FBXO4: variants seen among roughly 807,000 people sequenced by gnomAD.
FBXO4 encodes the protein F-box protein 4.
In FBXO4, 36 loss-of-function variants were observed where a neutral mutation model predicts 43.7. The ratio of observed to expected loss-of-function variants is 0.82; its 90% CI spans 0.63 to 1.09. The LOEUF (loss-of-function observed/expected upper bound fraction) is 1.09. Among genes scored for constraint, FBXO4 ranks in the 50% least tolerant of loss-of-function variants. The probability of loss-of-function intolerance (pLI) is 0.00; values close to 1 mark genes in which losing one functional copy is unlikely to be tolerated. For missense variants in FBXO4, 435 were observed against 474.1 expected, an observed-to-expected ratio of 0.92 and a Z score of 0.77; for synonymous variants, 180 against 165.6, an observed-to-expected ratio of 1.09 and a Z score of -0.67.
chr5:42,017,036 C>T, the FBXO4 span, among the ~76,000 whole-genome samples: 1 of 151,866 alleles, frequency 6.6e-6, no homozygotes, highest in Non-Finnish European at 1.5e-5. Context: ...CCTAGACATT[C>T]TAGGCAATTT....
At chr5:41,994,313 T>C in the FBXO4 span, among the ~76,000 whole-genome samples, 6 of 152,242 alleles carry the variant, frequency 3.9e-5, no homozygotes, top group African/African-American at 1.4e-4. Context: ...TACAAGTGTA[T>C]ACATGCATAA....
chr5:42,034,910 C>T, the FBXO4 span, among the ~76,000 whole-genome samples: 1,302 of 151,926 alleles, frequency 8.6e-3, 23 homozygotes, highest in African/African-American at 0.029. Context: ...GAATGTCAAT[C>T]GTAGTTTAAT....
chr5:41,967,653 C>A, the FBXO4 span: 1 of 783,528 alleles, frequency 1.3e-6, no homozygotes, highest in South Asian at 1.4e-5. Flanking sequence ...ATTTCCCACA[C>A]ACTGCATGGA....
the FBXO4 span, among the ~76,000 whole-genome samples, chr5:42,026,814 T>C: frequency 6.6e-6 from 1 of 151,958 alleles, no homozygotes; most frequent in African/African-American, 2.4e-5. Flanking sequence ...TCATATGGTT[T>C]TTATCCTTCA....
the FBXO4 span, among the ~76,000 whole-genome samples, chr5:41,989,049 T>C: frequency 6.6e-6 from 1 of 152,150 alleles, no homozygotes; most frequent in Non-Finnish European, 1.5e-5. Flanking sequence ...TTGAAGTCAT[T>C]TGGGGCACGG....
chr5:41,982,870 C>A, the FBXO4 span, among the ~76,000 whole-genome samples: 1 of 152,016 alleles, frequency 6.6e-6, no homozygotes, highest in African/African-American at 2.4e-5. Context: ...TTCCCCTAGT[C>A]CCCCACCCCC....
chr5:41,946,909 C>T, the FBXO4 span, among the ~76,000 whole-genome samples: 1 of 152,108 alleles, frequency 6.6e-6, no homozygotes, highest in Non-Finnish European at 1.5e-5. Context: ...CAAGTATAGC[C>T]ACAATGCACC....
chr5:42,004,146 C>T, the FBXO4 span, among the ~76,000 whole-genome samples: 7 of 152,166 alleles, frequency 4.6e-5, no homozygotes, highest in South Asian at 2.1e-4. Context: ...TCTGTAGACA[C>T]CTCCTTGTAA....
At chr5:41,972,812 A>G in the FBXO4 span, among the ~76,000 whole-genome samples, 1 of 152,224 alleles carries the variant, frequency 6.6e-6, no homozygotes, top group Non-Finnish European at 1.5e-5. Context: ...ACTGACAACA[A>G]GCAATGGGAA....
chr5:41,983,610 G>T, the FBXO4 span, among the ~76,000 whole-genome samples: 1 of 152,024 alleles, frequency 6.6e-6, no homozygotes, highest in Non-Finnish European at 1.5e-5. Context: ...TTTCCTAAAT[G>T]TCTTGGCCCA....
chr5:41,999,749 A>C, the FBXO4 span, among the ~76,000 whole-genome samples: 1 of 151,298 alleles, frequency 6.6e-6, no homozygotes, highest in Non-Finnish European at 1.5e-5. Flanking sequence ...AGGCTAAGCC[A>C]GTCTCATCTT....
At chr5:41,982,221 T>C in the FBXO4 span, among the ~76,000 whole-genome samples, 1 of 152,198 alleles carries the variant, frequency 6.6e-6, no homozygotes, top group South Asian at 2.1e-4. Context: ...CGTGTTCATG[T>C]GTCTTTATAG....
At chr5:41,993,754 C>T in the FBXO4 span, among the ~76,000 whole-genome samples, 5 of 151,828 alleles carry the variant, frequency 3.3e-5, no homozygotes, top group Admixed American at 1.3e-4. Context: ...AGAGTCAGTT[C>T]GAGTTCCAAA....
At chr5:41,942,344 TAATC>T (rs546457676), downstream of FBXO4, among the ~76,000 whole-genome samples, 3 of 152,116 alleles carry the variant, frequency 2.0e-5, no homozygotes, top group Non-Finnish European at 2.9e-5. Context: ...TTTCTAATAA[TAATC>T]CAAAGTTATG....
chr5:41,944,225 T>C (rs1752044143), downstream of FBXO4, among the ~76,000 whole-genome samples: 1 of 152,234 alleles, frequency 6.6e-6, no homozygotes, highest in Non-Finnish European at 1.5e-5. Context: ...ATTTAACATA[T>C]TGAAGCATCC....
chr5:41,935,264 A>T (rs541450604), intron 5 of FBXO4, among the ~76,000 whole-genome samples: 62 of 152,332 alleles, frequency 4.1e-4, no homozygotes, highest in Middle Eastern at 3.4e-3. Context: ...GACTATACTC[A>T]CTTATCAGCT....
the FBXO4 span, among the ~76,000 whole-genome samples, chr5:42,020,070 A>G: frequency 6.6e-6 from 1 of 152,182 alleles, no homozygotes. Context: ...CTGCCAAAAT[A>G]AAAATTGTGG....
the FBXO4 span, among the ~76,000 whole-genome samples, chr5:41,988,777 T>C: frequency 6.6e-6 from 1 of 152,174 alleles, no homozygotes; most frequent in Non-Finnish European, 1.5e-5. Context: ...TTATTCAGCT[T>C]TTACCTGTGT....
the FBXO4 span, among the ~76,000 whole-genome samples, chr5:41,950,578 G>A: frequency 2.6e-5 from 4 of 152,216 alleles, no homozygotes; most frequent in Admixed American, 1.3e-4. Context: ...TTCTAGAGAG[G>A]ATGTGGAGAA....
Sources: allele counts gnomAD v4.1 joint callset (sites outside exome capture counted in the v4.1 genomes callset), GRCh38; gene constraint gnomAD v4.1.1; transcripts MANE v1.5; gene names NCBI Gene and HGNC (gene_info 2026-07-23, HGNC 2026-07-21).